The following BRWD1 variants were observed in gnomAD, a reference collection of about 807,000 sequenced individuals.
The protein encoded by BRWD1 is bromodomain and WD repeat-containing protein 1.
A neutral mutation model predicts 251.2 loss-of-function variants in BRWD1; 82 were observed. The ratio of observed to expected loss-of-function variants is 0.33; its 90% CI spans 0.27 to 0.39. BRWD1 has a LOEUF of 0.39. Among genes scored for constraint, BRWD1 ranks in the 10% least tolerant of loss-of-function variants. The pLI, the probability that BRWD1 is intolerant of heterozygous loss-of-function variation, is 1.00. For synonymous variants in BRWD1, 918 were observed against 902.8 expected (o/e 1.02, Z -0.30); for missense variants, 2,233 against 2,711.6 (o/e 0.82, Z 3.92).
chr21:39,210,976 A>AG (rs1241886473), intron 34 of BRWD1, 47 bp from the exon 35 acceptor site: 1 of 1,551,554 alleles, frequency 6.4e-7, no homozygotes, highest in Non-Finnish European at 8.7e-7. Context: ...TATTGGTGTA[A>AG]GACTGTGGTA....
chr21:39,232,136 G>T, intron 25 of BRWD1, 41 bp downstream of exon 25: 1 of 1,394,198 alleles, frequency 7.2e-7, no homozygotes. Flanking sequence ...AACTATGTAT[G>T]TGCTAAAATG....
At chr21:39,232,523 T>TTC in intron 23 of BRWD1, 25 bp from the exon 24 acceptor site, 1 of 1,578,582 alleles carries the variant, frequency 6.3e-7, no homozygotes, top group Middle Eastern at 1.7e-4. Context: ...AGAACAAAGT[T>TTC]TCTTAGATTA....
At chr21:39,292,132 T>TGGGGGGGGGG (rs1182694435) in intron 8 of BRWD1, among the ~76,000 whole-genome samples, 1 of 12,352 alleles carries the variant, frequency 8.1e-5, no homozygotes, top group Non-Finnish European at 1.8e-4. Context: ...TGGGTGGGGG[T>TGGGGGGGGGG]GGGGGGGGGG....
intron 32 of BRWD1, among the ~76,000 whole-genome samples, chr21:39,214,585 A>C (rs115462616): frequency 0.015 from 2,322 of 152,242 alleles, 58 homozygotes; most frequent in African/African-American, 0.053. Flanking sequence ...AACTAGTGAA[A>C]TCCAAATAAA....
intron 21 of BRWD1, among the ~76,000 whole-genome samples, chr21:39,238,838 G>A (rs529155263): frequency 2.0e-5 from 3 of 152,278 alleles, no homozygotes; most frequent in African/African-American, 7.2e-5. Flanking sequence ...AGGCCATTCT[G>A]AGTAAAGTTA....
At chr21:39,199,702 T>C (rs2032010828) in intron 39 of BRWD1, 40 bp from the exon 40 acceptor site, 1 of 1,484,982 alleles carries the variant, frequency 6.7e-7, no homozygotes, top group South Asian at 1.3e-5. Flanking sequence ...AAGATTTTCC[T>C]TATTTCAACA....
intron 8 of BRWD1, 113 bp downstream of exon 8, chr21:39,293,698 T>C (rs1601480823): frequency 1.3e-6 from 1 of 788,304 alleles, no homozygotes; most frequent in African/African-American, 1.7e-5. Context: ...ATCACTTCTC[T>C]TACTTAAAAC....
rs1312015775 is a variant in BRWD1, at chr21:39,191,378, TG to T, written c.*4880del. 2 of 985,242 alleles carry T rather than the reference TG, an allele frequency of 2.0e-6. No individual in the cohort carries two copies. Among genetic ancestry groups the T allele is most frequent in the Admixed American group, 6.2e-5 (1 of 16,256 alleles). The allele number at this position is 985,242 out of a possible 1,614,324, so 61.0% of individuals were successfully genotyped here. ...CAAGTCTGGAATTAACCAGCTAGAA[TG>T]TATTTGGCTTGGAGTAGTGTTTTGT... On this transcript the variant is annotated 3_prime_UTR_variant, in exon 41 of 41. Transcript: ENST00000342449.
At chr21:39,251,111 G>A (rs944728927) in intron 19 of BRWD1, among the ~76,000 whole-genome samples, 19 of 152,128 alleles carry the variant, frequency 1.2e-4, no homozygotes, top group South Asian at 2.1e-4. Flanking sequence ...ATATTCATTC[G>A]TTTTCTGATT....
rs539187306 is a variant in BRWD1, at chr21:39,200,167, C to T, written c.4753+52G>A. 2.7e-6 allele frequency: 4 copies of T among 1,487,772 alleles called. No individual in the cohort carries two copies. In the South Asian group the frequency reaches 3.8e-5, roughly 14 times the overall value. The allele number at this position is 1,487,772 out of a possible 1,614,324, so 92.2% of individuals were successfully genotyped here. On this transcript the variant is annotated intron_variant, in intron 39 of 40. Coordinates refer to ENST00000342449, the MANE Select transcript of BRWD1 (RefSeq NM_033656.4). ...AATCGAGAATCTATTCAATTTATAACTTTTGGATTCTTTTGATATACATTC... is the reference window on the plus strand; with the variant it reads ...AATCGAGAATCTATTCAATTTATAATTTTTGGATTCTTTTGATATACATTC...
In BRWD1 at chr21:39,277,252, G is replaced by C. The variant is rs770334315; in HGVS notation, c.1103C>G (p.Thr368Ser). 11 of 1,600,948 alleles carry C rather than the reference G, an allele frequency of 6.9e-6. No individual in the cohort carries two copies. Among genetic ancestry groups the C allele is most frequent in the South Asian group, 2.2e-5 (2 of 90,144 alleles). The change falls in exon 11 of 41, where the codon ACT becomes AGT. Residue 368 changes from threonine (T) to serine (S), a missense_variant and splice_region_variant. By Grantham distance (58) the Thr-to-Ser change is moderately conservative. Coordinates refer to ENST00000342449, the MANE Select transcript of BRWD1 (RefSeq NM_033656.4). ...PEKIAELESH[T>S]DKVDSIQFCN... ...GGATTTTAAAACGTGGATGCTTACA[G>C]TGTGGCTTTCAAGTTCTGCGATTTT...
At chr21:39,210,239 G>T in intron 35 of BRWD1, 92 bp from the exon 36 acceptor site, 1 of 1,103,584 alleles carries the variant, frequency 9.1e-7, no homozygotes, top group Non-Finnish European at 1.3e-6. Context: ...TGAAATGATG[G>T]AAGAGAGGAA....
At chr21:39,281,174 A>G (rs1468699756) in intron 8 of BRWD1, among the ~76,000 whole-genome samples, 1 of 152,226 alleles carries the variant, frequency 6.6e-6, no homozygotes, top group African/African-American at 2.4e-5. Context: ...GGATGTAATC[A>G]AAGCAGCTTA....
chr21:39,288,070 C>T (rs536433890), intron 8 of BRWD1, among the ~76,000 whole-genome samples: 2 of 152,236 alleles, frequency 1.3e-5, no homozygotes, highest in East Asian at 3.9e-4. Flanking sequence ...GAGCCACAGT[C>T]ACATAAAGGC....
chr21:39,228,455 GATTA>G (rs2033472994), intron 27 of BRWD1, 41 bp downstream of exon 27: 3 of 1,324,402 alleles, frequency 2.3e-6, no homozygotes, highest in Non-Finnish European at 3.3e-6. Flanking sequence ...CAATAAAACA[GATTA>G]ATTTTTAAGG....
intron 4 of BRWD1, among the ~76,000 whole-genome samples, chr21:39,306,901 C>T (rs1259974606): frequency 6.6e-6 from 1 of 152,088 alleles, no homozygotes; most frequent in African/African-American, 2.4e-5. Flanking sequence ...TTGCCTAGGC[C>T]GGAGTGCAAT....
chr21:39,298,982 G>C (rs1342169134), intron 4 of BRWD1, among the ~76,000 whole-genome samples: 1 of 152,222 alleles, frequency 6.6e-6, no homozygotes, highest in Non-Finnish European at 1.5e-5. Flanking sequence ...TCAGCACTTT[G>C]TAAGGCCAAG....
chr21:39,187,707 A>C lies in BRWD1; in HGVS notation c.*8552T>G. 4 of 984,972 alleles carry C rather than the reference A, an allele frequency of 4.1e-6. No homozygotes were observed. The highest frequency in any genetic ancestry group is 4.8e-6 in the Non-Finnish European group (4 of 829,822). The allele number at this position is 984,972 out of a possible 1,614,324, so 61.0% of individuals were successfully genotyped here. A position where few individuals can be genotyped will look rare whatever the true frequency, so the allele number is the denominator to read the frequency against. ...TAAAGCTGCTAATCTAAAAACATAT[A>C]TATGAGCATTTTACATAATTTGAAT... On this transcript the variant is annotated 3_prime_UTR_variant, in exon 41 of 41. Transcript: ENST00000342449.
chr21:39,270,654 A>C lies in BRWD1; in HGVS notation c.1245-221T>G, dbSNP rs556586428. On this transcript the variant is annotated intron_variant, in intron 13 of 40. Coordinates refer to ENST00000342449, the MANE Select transcript of BRWD1 (RefSeq NM_033656.4). ...AATTTAGAAACAGTACAGAGACTGA[A>C]TAAGGGCAGATTTTAGGACACCATT... Among the ~76,000 whole-genome samples the C allele has an allele frequency of 1.2e-4, 18 of 152,356 alleles. No individual in the cohort carries two copies. In the East Asian group the frequency reaches 3.5e-3, roughly 29 times the overall value.
Sources: allele counts gnomAD v4.1 joint callset (sites outside exome capture counted in the v4.1 genomes callset), GRCh38; gene constraint gnomAD v4.1.1; transcripts MANE v1.5; gene names NCBI Gene and HGNC (gene_info 2026-07-23, HGNC 2026-07-21).